The following CWC22 variants were observed in gnomAD, a reference collection of about 807,000 sequenced individuals.
CWC22 encodes the protein CWC22 spliceosome associated protein.
CWC22 carries 53 observed loss-of-function variants against 117.2 expected under a neutral mutation model. The observed-to-expected ratio is 0.45, with a 90% confidence interval of 0.36 to 0.57. The LOEUF is 0.57. Among genes scored for constraint, CWC22 ranks in the 20% least tolerant of loss-of-function variants. The pLI is 0.00. For synonymous variants in CWC22, 360 were observed against 355.6 expected (o/e 1.01, Z -0.14); for missense variants, 980 against 1,068.8 (o/e 0.92, Z 1.16).
intron 11 of CWC22, among the ~76,000 whole-genome samples, chr2:179,969,329 G>T (rs1337483844): frequency 1.3e-5 from 2 of 152,116 alleles, no homozygotes; most frequent in Non-Finnish European, 2.9e-5. Flanking sequence ...AAAGAATCTG[G>T]CATATTACAG....
At position 179,973,666 on chromosome 2, in the gene CWC22, T is replaced by G; in HGVS notation, c.718A>C (p.Asn240His). ...GELILKRLIL[N>H]FRKGYRRNDK... ...TTTCTTCGATAGCCTTTTCGAAAATTAAGAATTAACCTTTTGAGGATTAAT... is the reference window on the plus strand; with the variant it reads ...TTTCTTCGATAGCCTTTTCGAAAATGAAGAATTAACCTTTTGAGGATTAAT... The change falls in exon 7 of 20, where the codon AAT becomes CAT. Residue 240 changes from asparagine (N) to histidine (H), a missense_variant. By Grantham distance (68) the Asn-to-His change is moderately conservative. Transcript: ENST00000410053. 6.2e-7 allele frequency: 1 copy of G among 1,609,390 alleles called. No homozygotes were observed. The highest frequency in any genetic ancestry group is 8.5e-7 in the Non-Finnish European group (1 of 1,177,114).
At chr2:179,946,008 G>A (rs1336110199) in intron 19 of CWC22, among the ~76,000 whole-genome samples, 1 of 152,060 alleles carries the variant, frequency 6.6e-6, no homozygotes, top group African/African-American at 2.4e-5. Flanking sequence ...TCAGCCTCCC[G>A]AATAGATGAG....
At chr2:179,950,774 A>G in intron 18 of CWC22, 42 bp from the exon 19 acceptor site, 1 of 1,600,564 alleles carries the variant, frequency 6.2e-7, no homozygotes, top group Non-Finnish European at 8.6e-7. Context: ...TTCAAAGACA[A>G]TTATGAGATA....
At chr2:179,996,386 A>C (rs61516141) in intron 1 of CWC22, among the ~76,000 whole-genome samples, 10,986 of 152,206 alleles carry the variant, frequency 0.072, 526 homozygotes, top group East Asian at 0.25. Flanking sequence ...GAAATTCTAA[A>C]ACTGAAAAAT....
intron 13 of CWC22, among the ~76,000 whole-genome samples, chr2:179,959,646 C>T (rs945393039): frequency 1.6e-4 from 24 of 152,160 alleles, no homozygotes; most frequent in African/African-American, 5.8e-4. Context: ...ATGGCTGTTG[C>T]CCCTATGCTA....
chr2:179,974,967 C>T (rs1173769807), intron 6 of CWC22, among the ~76,000 whole-genome samples: 3 of 152,226 alleles, frequency 2.0e-5, no homozygotes, highest in East Asian at 3.9e-4. Context: ...CAGGCAACTC[C>T]TGGACTCAAG....
chr2:179,950,986 C>G (rs767622606), intron 17 of CWC22, 60 bp from the exon 18 acceptor site: 206 of 1,063,330 alleles, frequency 1.9e-4, no homozygotes, highest in Middle Eastern at 1.4e-3. Flanking sequence ...AAGGTAAAAT[C>G]CTTAGTCATT....
intron 14 of CWC22, among the ~76,000 whole-genome samples, chr2:179,956,010 T>G (rs1410735264): frequency 2.0e-5 from 3 of 152,062 alleles, no homozygotes; most frequent in Non-Finnish European, 4.4e-5. Flanking sequence ...ACTTGCTTTG[T>G]GCAAACAGAA....
At chr2:179,974,797 G>A (rs1047261075) in intron 6 of CWC22, among the ~76,000 whole-genome samples, 8 of 152,122 alleles carry the variant, frequency 5.3e-5, no homozygotes, top group Non-Finnish European at 2.9e-5. Context: ...TGTCACCCAG[G>A]CAGGAGTGCA....
chr2:179,974,525 T>C (rs1208189372), intron 6 of CWC22, among the ~76,000 whole-genome samples: 2 of 152,176 alleles, frequency 1.3e-5, no homozygotes, highest in Non-Finnish European at 2.9e-5. Context: ...GGAAAAAAAG[T>C]CTTAATGGTA....
chr2:179,966,496 A>G (rs1333825499), intron 11 of CWC22, among the ~76,000 whole-genome samples: 1 of 152,342 alleles, frequency 6.6e-6, no homozygotes, highest in South Asian at 2.1e-4. Context: ...TAAAATACAT[A>G]TCTCTAAATT....
chr2:179,955,127 T>A, intron 14 of CWC22, 93 bp from the exon 15 acceptor site: 1 of 896,484 alleles, frequency 1.1e-6, no homozygotes, highest in South Asian at 1.5e-5. Flanking sequence ...CCTGCATTTT[T>A]AAATAAGGGT....
At chr2:179,965,752 C>T (rs1218148826) in intron 12 of CWC22, 126 bp downstream of exon 12, 2 of 762,772 alleles carry the variant, frequency 2.6e-6, no homozygotes, top group Admixed American at 3.0e-5. Flanking sequence ...CTAGTCTTCA[C>T]CTCCTAGACG....
intron 13 of CWC22, among the ~76,000 whole-genome samples, chr2:179,960,419 T>G (rs897538841): frequency 6.6e-6 from 1 of 151,922 alleles, no homozygotes; most frequent in Non-Finnish European, 1.5e-5. Context: ...GGTAGAATGG[T>G]TAACAATGAG....
Position 179,996,007 on chromosome 2 carries a change from T to A in CWC22, c.-113-2553A>T, listed in dbSNP as rs568121782. On this transcript the variant is annotated intron_variant, in intron 1 of 19. Transcript: ENST00000410053. ...CTCTGACTACCTCTGAACCAACACA[T>A]GTACAAGACAGATTCCTGCCAAGAA... is the stretch of plus-strand genomic sequence containing the variant. Among the ~76,000 whole-genome samples the A allele has an allele frequency of 1.1e-4, 16 of 152,270 alleles. No homozygotes were observed. In the South Asian group the frequency reaches 3.3e-3, roughly 31 times the overall value.
At chr2:179,980,211 TGAAGG>T (rs1403093748) in intron 5 of CWC22, among the ~76,000 whole-genome samples, 2 of 152,140 alleles carry the variant, frequency 1.3e-5, no homozygotes, top group African/African-American at 2.4e-5. Flanking sequence ...TACATGATAA[TGAAGG>T]TCCTACTAAC....
intron 2 of CWC22, among the ~76,000 whole-genome samples, chr2:179,989,244 AATAATAATT>A (rs938685041): frequency 5.8e-3 from 14 of 2,410 alleles, no homozygotes; most frequent in South Asian, 0.17. Context: ...AATAAGTTAT[AATAATAATT>A]ATTATTATTA....
chr2:179,950,783 T>C (rs749192115), intron 18 of CWC22, 42 bp downstream of exon 18: 9 of 1,600,206 alleles, frequency 5.6e-6, no homozygotes, highest in Non-Finnish European at 6.8e-6. Flanking sequence ...AATTATGAGA[T>C]AATTTTATAA....
At chr2:180,004,515 C>G (rs1232974833) in intron 1 of CWC22, among the ~76,000 whole-genome samples, 1 of 152,126 alleles carries the variant, frequency 6.6e-6, no homozygotes, top group Admixed American at 6.6e-5. Flanking sequence ...CCTCAGCCAC[C>G]CGAGTAGCTG....
Sources: allele counts gnomAD v4.1 joint callset (sites outside exome capture counted in the v4.1 genomes callset), GRCh38; gene constraint gnomAD v4.1.1; transcripts MANE v1.5; gene names NCBI Gene and HGNC (gene_info 2026-07-23, HGNC 2026-07-21).